Variants in SRBD1 observed in about 807,000 individuals in gnomAD.
SRBD1 encodes S1 RNA-binding domain-containing protein 1.
SRBD1 carries 88 observed loss-of-function variants against 115.3 expected under a neutral mutation model. The ratio of observed to expected loss-of-function variants is 0.76; its 90% CI spans 0.64 to 0.91. The LOEUF is 0.91. SRBD1 is among the 40% of genes least tolerant of loss of function. The pLI is 0.00. For synonymous variants in SRBD1, 509 were observed against 407.7 expected, an observed-to-expected ratio of 1.25 and a Z score of -2.99; for missense variants, 1,385 against 1,177.4, an observed-to-expected ratio of 1.18 and a Z score of -2.58.
intron 4 of SRBD1, among the ~76,000 whole-genome samples, chr2:45,588,962 C>A (rs1673632736): frequency 6.6e-6 from 1 of 152,176 alleles, no homozygotes; most frequent in South Asian, 2.1e-4. Context: ...CTAAGCATCA[C>A]TGTATATTCT....
At chr2:45,433,791 A>C (rs1163647043) in intron 16 of SRBD1, among the ~76,000 whole-genome samples, 1 of 152,282 alleles carries the variant, frequency 6.6e-6, no homozygotes, top group African/African-American at 2.4e-5. Flanking sequence ...TAGAACAAAT[A>C]ATATTGGAAG....
chr2:45,424,430 G>A (rs570547055), intron 16 of SRBD1, among the ~76,000 whole-genome samples: 1 of 152,050 alleles, frequency 6.6e-6, no homozygotes, highest in African/African-American at 2.4e-5. Context: ...TTGAAAAAAC[G>A]GCTCAACCAT....
chr2:45,441,703 A>G (rs540804419), intron 16 of SRBD1, among the ~76,000 whole-genome samples: 1 of 152,324 alleles, frequency 6.6e-6, no homozygotes, highest in African/African-American at 2.4e-5. Flanking sequence ...GGTTTAAGAA[A>G]AAGAATTGCC....
intron 16 of SRBD1, among the ~76,000 whole-genome samples, chr2:45,471,743 T>C (rs984874589): frequency 1.1e-4 from 17 of 152,172 alleles, no homozygotes; most frequent in Admixed American, 5.2e-4. Context: ...TTGGGTTTCT[T>C]TGATAGAGAG....
At chr2:45,510,789 A>T (rs570602911) in intron 14 of SRBD1, among the ~76,000 whole-genome samples, 3 of 152,148 alleles carry the variant, frequency 2.0e-5, no homozygotes, top group African/African-American at 7.2e-5. Context: ...AGTACAAGAA[A>T]TTTTTTTTCT....
chr2:45,435,247 C>G (rs1052341996), intron 16 of SRBD1, among the ~76,000 whole-genome samples: 2 of 152,056 alleles, frequency 1.3e-5, no homozygotes, highest in African/African-American at 4.8e-5. Flanking sequence ...TTTTAGACAG[C>G]TGCAGGACTA....
intron 19 of SRBD1, among the ~76,000 whole-genome samples, chr2:45,407,352 T>G (rs1478914758): frequency 1.3e-5 from 2 of 152,186 alleles, no homozygotes; most frequent in African/African-American, 2.4e-5. Flanking sequence ...TTTAAAAACC[T>G]ACCCTAAATG....
intron 16 of SRBD1, among the ~76,000 whole-genome samples, chr2:45,462,135 C>T (rs1469952742): frequency 2.6e-5 from 4 of 152,200 alleles, no homozygotes; most frequent in Non-Finnish European, 5.9e-5. Context: ...GCAGTCATTT[C>T]TACAGAGCTA....
intron 19 of SRBD1, among the ~76,000 whole-genome samples, chr2:45,402,468 T>C (rs1667317513): frequency 6.6e-6 from 1 of 152,170 alleles, no homozygotes; most frequent in Non-Finnish European, 1.5e-5. Flanking sequence ...AGTACAAATA[T>C]CACAAACAGG....
intron 14 of SRBD1, among the ~76,000 whole-genome samples, chr2:45,500,228 C>CTGTGTGTGTGTGTG (rs60622580): frequency 6.8e-6 from 1 of 146,456 alleles, no homozygotes; most frequent in Admixed American, 6.8e-5. Flanking sequence ...TAAATTTATC[C>CTGTGTGTGTGTGTG]TGTGTGTGTG....
At chr2:45,410,696 C>T (rs1251454615) in intron 19 of SRBD1, among the ~76,000 whole-genome samples, 1 of 152,158 alleles carries the variant, frequency 6.6e-6, no homozygotes, top group Non-Finnish European at 1.5e-5. Context: ...AGCTCCAGAC[C>T]CCCAACCTCC....
At chr2:45,523,739 T>C (rs1260755229) in intron 14 of SRBD1, among the ~76,000 whole-genome samples, 1 of 151,548 alleles carries the variant, frequency 6.6e-6, no homozygotes, top group Non-Finnish European at 1.5e-5. Context: ...AAAACTGAAT[T>C]CTACCAAACA....
intron 3 of SRBD1, among the ~76,000 whole-genome samples, chr2:45,600,622 C>T (rs891914308): frequency 2.0e-4 from 30 of 152,284 alleles, no homozygotes; most frequent in Admixed American, 8.5e-4. Context: ...CAGCAGCCCA[C>T]ACAGGTGTCT....
intron 19 of SRBD1, among the ~76,000 whole-genome samples, chr2:45,394,866 C>A (rs992667756): frequency 2.0e-5 from 3 of 152,070 alleles, no homozygotes; most frequent in African/African-American, 4.8e-5. Flanking sequence ...GTTTGGTCTC[C>A]CTCTTTGAAA....
chr2:45,553,264 G>A (rs1672360691), intron 11 of SRBD1, among the ~76,000 whole-genome samples: 3 of 151,936 alleles, frequency 2.0e-5, no homozygotes, highest in South Asian at 2.1e-4. Flanking sequence ...ACTCCCATTT[G>A]GAGTTAAAAA....
intron 14 of SRBD1, among the ~76,000 whole-genome samples, chr2:45,511,532 A>G (rs951641402): frequency 6.6e-6 from 1 of 152,242 alleles, no homozygotes; most frequent in Non-Finnish European, 1.5e-5. Context: ...ATGCTCACAT[A>G]TAAGACCGTT....
chr2:45,532,396 C>T (rs1005894295), intron 14 of SRBD1, among the ~76,000 whole-genome samples: 6 of 151,734 alleles, frequency 4.0e-5, no homozygotes, highest in South Asian at 2.1e-4. Context: ...ATAAAGAAGA[C>T]GGAGCTGAAG....
chr2:45,529,779 C>T (rs1466900707), intron 14 of SRBD1, among the ~76,000 whole-genome samples: 4 of 151,870 alleles, frequency 2.6e-5, no homozygotes, highest in Non-Finnish European at 5.9e-5. Flanking sequence ...AAGCCTAGAA[C>T]CTTGAAGACA....
intron 14 of SRBD1, among the ~76,000 whole-genome samples, chr2:45,524,593 T>C (rs1004894808): frequency 1.6e-4 from 25 of 151,932 alleles, no homozygotes; most frequent in African/African-American, 5.6e-4. Flanking sequence ...ACAAAAGAAG[T>C]ATCGAACTTA....
Sources: allele counts gnomAD v4.1 joint callset (sites outside exome capture counted in the v4.1 genomes callset), GRCh38; gene constraint gnomAD v4.1.1; transcripts MANE v1.5; gene names NCBI Gene and HGNC (gene_info 2026-07-23, HGNC 2026-07-21).